The following LIN28B variants were observed in gnomAD, a reference collection of about 807,000 sequenced individuals.
The protein encoded by LIN28B is lin-28 RNA binding posttranscriptional regulator B, also known as protein lin-28 homolog B.
LIN28B carries 5 observed loss-of-function variants against 21.9 expected under a neutral mutation model. The observed-to-expected ratio is 0.23, with a 90% CI of 0.12 to 0.48. The LOEUF (loss-of-function observed/expected upper bound fraction) is 0.48. LIN28B is among the 20% of genes least tolerant of loss of function. The probability of loss-of-function intolerance (pLI) is 0.98; values close to 1 mark genes in which losing one functional copy is unlikely to be tolerated. For synonymous variants in LIN28B, 109 were observed against 111.3 expected (o/e 0.98, Z 0.13); for missense variants, 245 against 310.5 (o/e 0.79, Z 1.58).
intron 2 of LIN28B, among the ~76,000 whole-genome samples, chr6:104,970,071 A>G (rs1025412276): frequency 6.6e-6 from 1 of 152,192 alleles, no homozygotes; most frequent in Non-Finnish European, 1.5e-5. Context: ...GTGTATCTGT[A>G]TAAGGAATCA....
At chr6:104,958,592 A>G (rs964526138) in intron 2 of LIN28B, among the ~76,000 whole-genome samples, 6 of 152,214 alleles carry the variant, frequency 3.9e-5, no homozygotes, top group African/African-American at 1.2e-4. Flanking sequence ...TACCTATACA[A>G]TATACTTTGT....
At chr6:104,958,047 A>C in intron 1 of LIN28B, 52 bp from the exon 2 acceptor site, 1 of 1,252,918 alleles carries the variant, frequency 8.0e-7, no homozygotes, top group Non-Finnish European at 1.1e-6. Context: ...TAATCTTTGA[A>C]TGCACATTGA....
chr6:105,026,988 A>G (rs1363267838), intron 3 of LIN28B, among the ~76,000 whole-genome samples: 2 of 152,166 alleles, frequency 1.3e-5, no homozygotes, highest in Non-Finnish European at 2.9e-5. Context: ...AGTATATTAT[A>G]GAATATTTCA....
intron 2 of LIN28B, among the ~76,000 whole-genome samples, chr6:104,941,775 T>TA (rs1035748030): frequency 4.0e-4 from 61 of 152,352 alleles, no homozygotes; most frequent in African/African-American, 1.4e-3. Flanking sequence ...GAGGAAATGA[T>TA]ACGTTTGCAG....
chr6:104,973,466 CA>C (rs1446358023), intron 2 of LIN28B, among the ~76,000 whole-genome samples: 1 of 152,032 alleles, frequency 6.6e-6, no homozygotes, highest in Non-Finnish European at 1.5e-5. Flanking sequence ...TTTGATCTGC[CA>C]CCAGGAATTA....
intron 2 of LIN28B, among the ~76,000 whole-genome samples, chr6:104,967,544 G>C (rs1270507509): frequency 8.4e-6 from 1 of 119,156 alleles, no homozygotes; most frequent in Non-Finnish European, 1.6e-5. Flanking sequence ...TCATGCCATT[G>C]CACTCCAGGC....
At chr6:105,076,496 A>G (rs1329314864) in intron 3 of LIN28B, among the ~76,000 whole-genome samples, 1 of 152,210 alleles carries the variant, frequency 6.6e-6, no homozygotes, top group Non-Finnish European at 1.5e-5. Context: ...TCTATGAAAT[A>G]TAAGGTAGAA....
chr6:105,004,236 A>G (rs1770773372), intron 2 of LIN28B, among the ~76,000 whole-genome samples: 1 of 152,176 alleles, frequency 6.6e-6, no homozygotes. Flanking sequence ...CACTGACTCA[A>G]ATGTTAATCT....
At chr6:104,956,784 G>T (rs1224016555), upstream of LIN28B, among the ~76,000 whole-genome samples, 3 of 152,124 alleles carry the variant, frequency 2.0e-5, no homozygotes, top group Non-Finnish European at 4.4e-5. Context: ...TGTAAGGCAC[G>T]CGTGTGCACA....
At chr6:104,949,877 TAACCCATTTA>T (rs1019371863) in intron 2 of LIN28B, among the ~76,000 whole-genome samples, 19 of 152,302 alleles carry the variant, frequency 1.2e-4, no homozygotes, top group Non-Finnish European at 2.6e-4. Flanking sequence ...TAAAAAACAT[TAACCCATTTA>T]AAAATATAAG....
intron 3 of LIN28B, among the ~76,000 whole-genome samples, chr6:105,039,606 A>G (rs1401764194): frequency 1.3e-5 from 2 of 152,134 alleles, no homozygotes; most frequent in Non-Finnish European, 2.9e-5. Context: ...CCCTAAATTC[A>G]TGAGAGTACT....
chr6:104,938,005 G>C (rs1778029932), intron 2 of LIN28B, among the ~76,000 whole-genome samples: 1 of 112,126 alleles, frequency 8.9e-6, no homozygotes, highest in Non-Finnish European at 1.6e-5. Context: ...CTTGCCACCA[G>C]AAGTCTGAGA....
At chr6:105,009,848 C>T (rs183142055) in intron 2 of LIN28B, among the ~76,000 whole-genome samples, 115 of 152,262 alleles carry the variant, frequency 7.6e-4, no homozygotes, top group Non-Finnish European at 6.5e-4. Flanking sequence ...TTCATCAGCT[C>T]AGCAGCCAAG....
intron 3 of LIN28B, among the ~76,000 whole-genome samples, chr6:105,063,646 GGGA>G (rs1383527567): frequency 5.7e-4 from 71 of 124,704 alleles, no homozygotes; most frequent in African/African-American, 2.4e-3. Flanking sequence ...GGGGGGGGGG[GGGA>G]AAAAAAGGTA....
chr6:104,984,000 G>A (rs921075145), intron 2 of LIN28B, among the ~76,000 whole-genome samples: 7 of 152,070 alleles, frequency 4.6e-5, no homozygotes, highest in Non-Finnish European at 1.0e-4. Flanking sequence ...TTTACTTGCC[G>A]GCACCAATCC....
chr6:104,966,884 G>A (rs905659073), intron 2 of LIN28B, among the ~76,000 whole-genome samples: 4 of 152,194 alleles, frequency 2.6e-5, no homozygotes, highest in Middle Eastern at 3.4e-3. Flanking sequence ...GCCTCCCAAA[G>A]TGCTGGGATT....
intron 3 of LIN28B, among the ~76,000 whole-genome samples, chr6:105,051,745 C>A (rs1771911020): frequency 6.6e-6 from 1 of 151,878 alleles, no homozygotes; most frequent in Non-Finnish European, 1.5e-5. Context: ...TCTGTAAATT[C>A]TTTCATTTTA....
intron 3 of LIN28B, among the ~76,000 whole-genome samples, chr6:105,027,445 A>T (rs1231064004): frequency 2.0e-5 from 3 of 152,010 alleles, no homozygotes; most frequent in African/African-American, 7.2e-5. Flanking sequence ...TTCTTCTAAG[A>T]ATTGTACATT....
At chr6:105,014,913 C>G (rs1292193782) in intron 2 of LIN28B, among the ~76,000 whole-genome samples, 1 of 150,438 alleles carries the variant, frequency 6.6e-6, no homozygotes, top group East Asian at 1.9e-4. Context: ...TTTGCATTAT[C>G]AGGTCAATTA....
Sources: allele counts gnomAD v4.1 joint callset (sites outside exome capture counted in the v4.1 genomes callset), GRCh38; gene constraint gnomAD v4.1.1; transcripts MANE v1.5; gene names NCBI Gene and HGNC (gene_info 2026-07-23, HGNC 2026-07-21).